The following WDPCP variants were observed in gnomAD, a reference collection of about 807,000 sequenced individuals.
WDPCP encodes the protein WD repeat containing planar cell polarity effector, also known as WD repeat-containing and planar cell polarity effector protein fritz homolog.
A neutral mutation model predicts 93.1 loss-of-function variants in WDPCP; 71 were observed. The ratio of observed to expected loss-of-function variants is 0.76; its 90% CI spans 0.63 to 0.93. The LOEUF (loss-of-function observed/expected upper bound fraction) is 0.93. Ranked by LOEUF, WDPCP falls within the 40% of genes least tolerant of loss-of-function variation. The probability of loss-of-function intolerance (pLI) is 0.00; values close to 1 mark genes in which losing one functional copy is unlikely to be tolerated. For missense variants in WDPCP, 844 were observed against 887.4 expected (o/e 0.95, Z 0.62); for synonymous variants, 315 against 315.0 (o/e 1.00, Z 0.00).
intron 3 of WDPCP, 63 bp downstream of exon 3, chr2:63,487,384 C>A: frequency 1.7e-6 from 2 of 1,167,806 alleles, no homozygotes; most frequent in South Asian, 2.7e-5. Context: ...TTTTAATGGT[C>A]AGTATTTCAT....
chr2:63,733,041 GAAAT>G (rs1172154999), intron 2 of WDPCP, among the ~76,000 whole-genome samples: 15 of 152,194 alleles, frequency 9.9e-5, no homozygotes, highest in African/African-American at 3.4e-4. Flanking sequence ...ACATTTATAA[GAAAT>G]AAAACTTTTC....
intron 3 of WDPCP, among the ~76,000 whole-genome samples, chr2:63,631,492 T>C (rs1709864450): frequency 6.6e-6 from 1 of 150,698 alleles, no homozygotes; most frequent in African/African-American, 2.4e-5. Context: ...AGAAAAACAA[T>C]AGGGAGAGGA....
chr2:63,286,279 C>A (rs1479047527), intron 13 of WDPCP, among the ~76,000 whole-genome samples: 1 of 152,168 alleles, frequency 6.6e-6, no homozygotes, highest in African/African-American at 2.4e-5. Context: ...TGGCCTGAAG[C>A]AACTGAAGAT....
chr2:63,441,402 C>A (rs1445838017), intron 6 of WDPCP: 1 of 152,008 alleles, frequency 6.6e-6, no homozygotes, highest in African/African-American at 2.4e-5. Context: ...CCCCTTCCTC[C>A]TTTATTCAAA....
At chr2:63,547,149 A>T (rs759844663) in intron 1 of WDPCP, among the ~76,000 whole-genome samples, 12 of 152,160 alleles carry the variant, frequency 7.9e-5, no homozygotes, top group Non-Finnish European at 1.3e-4. Flanking sequence ...ATATATTAAA[A>T]ATGCTCAACA....
intron 1 of WDPCP, among the ~76,000 whole-genome samples, chr2:63,569,115 A>T (rs1558821166): frequency 6.6e-6 from 1 of 152,278 alleles, no homozygotes; most frequent in African/African-American, 2.4e-5. Context: ...ATAAAGTATA[A>T]GGTAGAAAAC....
intron 9 of WDPCP, among the ~76,000 whole-genome samples, chr2:63,423,733 G>A (rs1490997043): frequency 2.0e-5 from 3 of 152,208 alleles, no homozygotes; most frequent in Non-Finnish European, 4.4e-5. Context: ...GGTTCAAGCT[G>A]AAGGTGTTTG....
upstream of WDPCP, chr2:63,588,542 C>G: frequency 1.7e-6 from 1 of 585,244 alleles, no homozygotes; most frequent in Non-Finnish European, 3.0e-6. Flanking sequence ...GTCGATCCAG[C>G]TTTACGCAGC....
intron 6 of WDPCP, among the ~76,000 whole-genome samples, chr2:63,475,201 C>A (rs1381101097): frequency 6.6e-6 from 1 of 152,084 alleles, no homozygotes; most frequent in Non-Finnish European, 1.5e-5. Context: ...AAATCAAATA[C>A]ACATCTATGG....
intron 13 of WDPCP, among the ~76,000 whole-genome samples, chr2:63,304,504 A>G (rs1014650912): frequency 6.6e-6 from 1 of 152,192 alleles, no homozygotes. Flanking sequence ...TCCCCTAGCC[A>G]AGGGAAGCTG....
chr2:63,158,847 T>G (rs13424984), intron 15 of WDPCP, among the ~76,000 whole-genome samples: 3,051 of 151,820 alleles, frequency 0.02, 110 homozygotes, highest in African/African-American at 0.07. Context: ...GTTAAAAAAT[T>G]TTGTGGGGGC....
At chr2:63,714,207 C>T (rs1397778218) in intron 2 of WDPCP, among the ~76,000 whole-genome samples, 3 of 151,916 alleles carry the variant, frequency 2.0e-5, no homozygotes, top group Admixed American at 2.0e-4. Context: ...AGGTACCCGC[C>T]ACCATGCCCA....
intron 2 of WDPCP, among the ~76,000 whole-genome samples, chr2:63,696,201 C>G (rs754200046): frequency 1.2e-4 from 19 of 152,140 alleles, no homozygotes; most frequent in Admixed American, 2.0e-4. Context: ...GAGAACCAAG[C>G]AGGTGGTTTG....
chr2:63,393,636 A>G (rs1158084040), intron 10 of WDPCP, among the ~76,000 whole-genome samples: 1 of 152,162 alleles, frequency 6.6e-6, no homozygotes, highest in Non-Finnish European at 1.5e-5. Context: ...AACAAAAAGA[A>G]CAAAGCTGGA....
chr2:63,785,722 T>C (rs1018485532), intron 2 of WDPCP, among the ~76,000 whole-genome samples: 3 of 152,178 alleles, frequency 2.0e-5, no homozygotes, highest in African/African-American at 7.2e-5. Context: ...TTTTCTTAGA[T>C]TCACTTTCTG....
chr2:63,570,653 A>T (rs557118705), intron 1 of WDPCP, among the ~76,000 whole-genome samples: 1 of 152,368 alleles, frequency 6.6e-6, no homozygotes, highest in African/African-American at 2.4e-5. Flanking sequence ...TATATGTAGG[A>T]AAAACAGAAT....
At chr2:63,320,419 A>G (rs577376203) in intron 12 of WDPCP, among the ~76,000 whole-genome samples, 1 of 152,312 alleles carries the variant, frequency 6.6e-6, no homozygotes, top group African/African-American at 2.4e-5. Flanking sequence ...CTGGGCAAAT[A>G]TAAAGAACTC....
At chr2:63,315,529 C>T (rs1369320689) in intron 12 of WDPCP, among the ~76,000 whole-genome samples, 1 of 151,744 alleles carries the variant, frequency 6.6e-6, no homozygotes, top group Non-Finnish European at 1.5e-5. Context: ...GAAAACAAGG[C>T]ACTATAACTA....
intron 2 of WDPCP, among the ~76,000 whole-genome samples, chr2:63,775,525 T>C (rs924648343): frequency 3.3e-5 from 5 of 152,182 alleles, no homozygotes; most frequent in Non-Finnish European, 7.3e-5. Flanking sequence ...GTTGGAAAGG[T>C]TGAAGGCAAA....
Sources: allele counts gnomAD v4.1 joint callset (sites outside exome capture counted in the v4.1 genomes callset), GRCh38; gene constraint gnomAD v4.1.1; transcripts MANE v1.5; gene names NCBI Gene and HGNC (gene_info 2026-07-23, HGNC 2026-07-21).